The following TCERG1L variants were observed in gnomAD, a reference collection of about 807,000 sequenced individuals.
TCERG1L encodes transcription elongation regulator 1 like, also known as transcription elongation regulator 1-like protein.
A neutral mutation model predicts 56.3 loss-of-function variants in TCERG1L; 37 were observed. The observed-to-expected ratio is 0.66, with a 90% confidence interval of 0.51 to 0.87. The LOEUF (loss-of-function observed/expected upper bound fraction) is 0.87, where lower values mean the gene tolerates loss of function less well. TCERG1L is among the 40% of genes least tolerant of loss of function. TCERG1L has a pLI of 0.00. For missense variants in TCERG1L, 799 were observed against 774.2 expected, an observed-to-expected ratio of 1.03 and a Z score of -0.38; for synonymous variants, 324 against 326.3, an observed-to-expected ratio of 0.99 and a Z score of 0.08.
At chr10:131,131,809 G>T (rs1428517433) in intron 8 of TCERG1L, among the ~76,000 whole-genome samples, 1 of 152,210 alleles carries the variant, frequency 6.6e-6, no homozygotes, top group East Asian at 1.9e-4. Context: ...CATTGCAGGA[G>T]AATTTTAAAT....
At chr10:131,217,139 G>A (rs578091812) in intron 4 of TCERG1L, among the ~76,000 whole-genome samples, 1 of 152,288 alleles carries the variant, frequency 6.6e-6, no homozygotes, top group African/African-American at 2.4e-5. Flanking sequence ...AGTGTTGGAG[G>A]TGGGGCCTGG....
intron 8 of TCERG1L, among the ~76,000 whole-genome samples, chr10:131,126,073 C>T (rs1170730332): frequency 4.6e-5 from 7 of 152,210 alleles, no homozygotes; most frequent in East Asian, 1.9e-4. Flanking sequence ...TTGGCCTTTC[C>T]GGCTTGGTCA....
chr10:131,168,692 C>T (rs769811381), intron 4 of TCERG1L, among the ~76,000 whole-genome samples: 34 of 152,312 alleles, frequency 2.2e-4, no homozygotes, highest in Non-Finnish European at 3.5e-4. Flanking sequence ...GCCGGGCAGG[C>T]TCTCCCCAGG....
At chr10:131,238,654 A>G (rs556687917) in intron 4 of TCERG1L, among the ~76,000 whole-genome samples, 7 of 152,164 alleles carry the variant, frequency 4.6e-5, no homozygotes, top group Non-Finnish European at 8.8e-5. Context: ...GTGAAATAGG[A>G]AGTCGCCCTT....
At position 131,105,403 on chromosome 10, in the gene TCERG1L, G is replaced by A. The variant is rs575826495; in HGVS notation, c.1396-1049C>T. On this transcript the variant is annotated intron_variant, in intron 9 of 11. Coordinates refer to ENST00000368642, the MANE Select transcript of TCERG1L (RefSeq NM_174937.4). Reference sequence around the variant, plus strand: ...GGGGTACAGGTTGTGCTCCACTTCCGAGGAGAAGTAGCTACATGAGTGACT... The same window carrying A: ...GGGGTACAGGTTGTGCTCCACTTCCAAGGAGAAGTAGCTACATGAGTGACT... Among the ~76,000 whole-genome samples, 43 of 122,418 alleles carry A rather than the reference G, an allele frequency of 3.5e-4. No individual in the cohort carries two copies. In the South Asian group the frequency reaches 8.1e-3, roughly 23 times the overall value. The allele number at this position is 122,418 out of a possible 152,430, so 80.3% of individuals were successfully genotyped here.
intron 4 of TCERG1L, among the ~76,000 whole-genome samples, chr10:131,169,768 C>T (rs952330923): frequency 1.3e-5 from 2 of 152,120 alleles, no homozygotes; most frequent in Admixed American, 6.5e-5. Context: ...GTATCTTCTA[C>T]GAGCATGTAA....
intron 3 of TCERG1L, among the ~76,000 whole-genome samples, chr10:131,292,523 AT>A (rs1428219365): frequency 6.6e-5 from 10 of 152,016 alleles, no homozygotes; most frequent in Non-Finnish European, 1.3e-4. Context: ...CATTTTTTCT[AT>A]TTTTAAAAAA....
At chr10:131,240,119 G>A (rs189805784) in intron 4 of TCERG1L, among the ~76,000 whole-genome samples, 4 of 152,296 alleles carry the variant, frequency 2.6e-5, no homozygotes, top group East Asian at 3.9e-4. Context: ...TCCCTGGGAG[G>A]ACAGTGGTCC....
intron 4 of TCERG1L, among the ~76,000 whole-genome samples, chr10:131,205,344 G>A (rs754607076): frequency 7.0e-6 from 1 of 143,228 alleles, no homozygotes. Flanking sequence ...ACCTAAACAG[G>A]TTTTCAATTT....
intron 4 of TCERG1L, among the ~76,000 whole-genome samples, chr10:131,249,417 C>T (rs527857693): frequency 5.9e-5 from 9 of 152,136 alleles, no homozygotes; most frequent in Admixed American, 3.3e-4. Context: ...TGGCTCCACC[C>T]GGCTACCCCA....
chr10:131,110,041 C>T (rs10829904), intron 9 of TCERG1L, among the ~76,000 whole-genome samples: 11,102 of 152,230 alleles, frequency 0.073, 423 homozygotes, highest in South Asian at 0.1. Context: ...CGTCCCAGCC[C>T]GCAGGCATCT....
At chr10:131,288,501 G>A (rs533176199) in intron 3 of TCERG1L, among the ~76,000 whole-genome samples, 1 of 152,218 alleles carries the variant, frequency 6.6e-6, no homozygotes, top group South Asian at 2.1e-4. Flanking sequence ...GCCGGGAGGT[G>A]GGTGCTACCA....
chr10:131,119,938 G>C (rs1845496931), intron 8 of TCERG1L, among the ~76,000 whole-genome samples: 1 of 152,186 alleles, frequency 6.6e-6, no homozygotes, highest in Non-Finnish European at 1.5e-5. Context: ...TAGGTTGAAA[G>C]GGGCCTGGTC....
At chr10:131,282,153 A>G (rs1284217607) in intron 3 of TCERG1L, among the ~76,000 whole-genome samples, 2 of 151,458 alleles carry the variant, frequency 1.3e-5, no homozygotes, top group African/African-American at 4.8e-5. Context: ...AAAAAAAAAA[A>G]AAAAAAAAGA....
intron 4 of TCERG1L, among the ~76,000 whole-genome samples, chr10:131,229,068 C>T (rs1845823378): frequency 9.9e-6 from 1 of 100,672 alleles, no homozygotes; most frequent in Non-Finnish European, 2.0e-5. Context: ...CCCCTCCAGA[C>T]AGGCATTTCC....
chr10:131,223,208 G>T (rs968515160), intron 4 of TCERG1L, among the ~76,000 whole-genome samples: 3 of 152,204 alleles, frequency 2.0e-5, no homozygotes, highest in African/African-American at 7.2e-5. Context: ...CCGCTGGACT[G>T]TGCAGCCTTG....
chr10:131,179,411 G>A (rs1845145474), intron 4 of TCERG1L, among the ~76,000 whole-genome samples: 1 of 152,192 alleles, frequency 6.6e-6, no homozygotes, highest in South Asian at 2.1e-4. Flanking sequence ...ATAGAAGTAG[G>A]AAGAATGTGC....
chr10:131,260,583 G>T lies in TCERG1L; in HGVS notation c.671-139C>A. 9.2e-7 allele frequency: 1 copy of T among 1,086,922 alleles called. No homozygotes were observed. Among genetic ancestry groups the T allele is most frequent in the Non-Finnish European group, 1.2e-6 (1 of 841,008 alleles). 67.3% of individuals were successfully genotyped at this position (1,086,922 alleles called of 1,614,324 possible). A position where few individuals can be genotyped will look rare whatever the true frequency, so the allele number is the denominator to read the frequency against. The stretch of plus-strand genomic sequence containing the variant: ...TACCCCTCTTTAATGGAGGCCCACA[G>T]TATGTGCCACCGTCCGCAGAACAAA... On this transcript the variant is annotated intron_variant, in intron 3 of 11. Transcript: ENST00000368642. The surrounding 1 kb of genome is among the most constrained non-coding windows in gnomAD (Gnocchi z 5.8).
intron 4 of TCERG1L, among the ~76,000 whole-genome samples, chr10:131,237,660 G>A (rs1845926762): frequency 6.6e-6 from 1 of 152,200 alleles, no homozygotes; most frequent in African/African-American, 2.4e-5. Context: ...GTTCCTAGGA[G>A]GCAAAATGTG....
Sources: gnomAD v4.1 joint callset for allele counts (sites outside exome capture counted in the v4.1 genomes callset) on GRCh38, gnomAD v4.1.1 for gene constraint, Gnocchi (gnomAD v3.1) non-coding constraint, MANE v1.5 for transcripts, NCBI Gene and HGNC (gene_info 2026-07-23, HGNC 2026-07-21) for gene names.